The following HMGCLL1 variants were observed in gnomAD, a reference collection of about 807,000 sequenced individuals.
HMGCLL1 encodes 3-hydroxy-3-methylglutaryl-CoA lyase like 1, also known as 3-hydroxymethyl-3-methylglutaryl-CoA lyase, cytoplasmic.
In HMGCLL1, 36 loss-of-function variants were observed where a neutral mutation model predicts 39.1. That is an observed-to-expected ratio of 0.92 (90% CI 0.71 to 1.22). The LOEUF is 1.22. Ranked by LOEUF, HMGCLL1 falls within the 50% of genes most tolerant of loss-of-function variation. The pLI is 0.00. For synonymous variants in HMGCLL1, 149 were observed against 144.0 expected (o/e 1.03, Z -0.25); for missense variants, 451 against 416.5 (o/e 1.08, Z -0.72).
chr6:55,437,878 T>C lies in HMGCLL1; in HGVS notation c.921+1556A>G, dbSNP rs533520523. On this transcript the variant is annotated intron_variant, in intron 8 of 8. Transcript: ENST00000274901. Reference sequence around the variant, plus strand: ...GGTAGTAAGGGAAGGACAACCAAAATATTTTAAAGTCAGATTAGCAGCTCT... The same window carrying C: ...GGTAGTAAGGGAAGGACAACCAAAACATTTTAAAGTCAGATTAGCAGCTCT... Among the ~76,000 whole-genome samples, 37 of 152,104 alleles carry C rather than the reference T, an allele frequency of 2.4e-4. No homozygotes were observed. The East Asian group carries it at 6.6e-3, about 27-fold the overall frequency.
chr6:55,482,551 T>A (rs1024941965), intron 7 of HMGCLL1, among the ~76,000 whole-genome samples: 5 of 152,158 alleles, frequency 3.3e-5, no homozygotes, highest in African/African-American at 1.2e-4. Flanking sequence ...GAAAAATAAA[T>A]AACATTTTCT....
At chr6:55,628,010 CTATATATATAATA>C in the HMGCLL1 span, among the ~76,000 whole-genome samples, 1 of 11,200 alleles carries the variant, frequency 8.9e-5, no homozygotes, top group Non-Finnish European at 1.4e-4. Flanking sequence ...TAGTTATATA[CTATATATATAATA>C]TATATATAGT....
chr6:55,594,034 T>A, the HMGCLL1 span, among the ~76,000 whole-genome samples: 1 of 152,214 alleles, frequency 6.6e-6, no homozygotes, highest in African/African-American at 2.4e-5. Flanking sequence ...TTCATCATTT[T>A]ATTAGATGGA....
chr6:55,591,573 C>CT, the HMGCLL1 span, among the ~76,000 whole-genome samples: 3 of 151,122 alleles, frequency 2.0e-5, no homozygotes, highest in African/African-American at 4.9e-5. Context: ...TTTCCTTTCC[C>CT]TTTTTTTCCC....
chr6:55,609,350 G>A, the HMGCLL1 span, among the ~76,000 whole-genome samples: 11 of 152,236 alleles, frequency 7.2e-5, no homozygotes, highest in African/African-American at 2.2e-4. Context: ...TGCTGGAGCC[G>A]GGGAAACTGG....
chr6:55,547,822 C>T (rs1163219983), intron 1 of HMGCLL1, among the ~76,000 whole-genome samples: 3 of 151,976 alleles, frequency 2.0e-5, no homozygotes, highest in African/African-American at 7.2e-5. Flanking sequence ...CTATTTATTG[C>T]TTTTTAGATA....
chr6:55,619,568 G>A, the HMGCLL1 span, among the ~76,000 whole-genome samples: 4 of 152,120 alleles, frequency 2.6e-5, no homozygotes, highest in Middle Eastern at 6.8e-3. Flanking sequence ...TAATTGTTAT[G>A]GGTATGTGGT....
At chr6:55,523,536 A>AT (rs1179701405) in intron 3 of HMGCLL1, among the ~76,000 whole-genome samples, 3 of 151,872 alleles carry the variant, frequency 2.0e-5, no homozygotes, top group African/African-American at 7.2e-5. Context: ...GCTATATTAT[A>AT]TTTTTTTATG....
chr6:55,633,215 C>G, the HMGCLL1 span, among the ~76,000 whole-genome samples: 3 of 151,878 alleles, frequency 2.0e-5, no homozygotes, highest in Non-Finnish European at 4.4e-5. Flanking sequence ...CTTACATGAA[C>G]TTTTGTGTTC....
chr6:55,614,879 G>T, the HMGCLL1 span, among the ~76,000 whole-genome samples: 1 of 151,984 alleles, frequency 6.6e-6, no homozygotes, highest in African/African-American at 2.4e-5. Flanking sequence ...GTAAGGCTGG[G>T]TGCAGAGCCT....
At chr6:55,512,714 C>A (rs2127435314) in intron 5 of HMGCLL1, 1 of 152,182 alleles carries the variant, frequency 6.6e-6, no homozygotes, top group African/African-American at 2.4e-5. Context: ...TTTTCAGTCA[C>A]AATTGACTCA....
chr6:55,588,427 C>A, the HMGCLL1 span, among the ~76,000 whole-genome samples: 5 of 151,772 alleles, frequency 3.3e-5, no homozygotes, highest in African/African-American at 1.2e-4. Flanking sequence ...AAACTTACAG[C>A]ACTAAATGCC....
chr6:55,637,261 G>A, the HMGCLL1 span, among the ~76,000 whole-genome samples: 31 of 152,236 alleles, frequency 2.0e-4, no homozygotes, highest in African/African-American at 7.5e-4. Context: ...CTCCCTCTGA[G>A]CAATGGTAGA....
rs1030398122 is a variant in HMGCLL1 at position 55,506,401 on chromosome 6, G to A, written c.543-7102C>T. Among the ~76,000 whole-genome samples, 240 of 80,798 alleles carry A rather than the reference G, an allele frequency of 3.0e-3. 3 individuals carry two copies. The highest frequency in any genetic ancestry group is 4.6e-3 in the Admixed American group (37 of 8,076). 53.0% of individuals were successfully genotyped at this position (80,798 alleles called of 152,430 possible). ...AGGCCTCAGCCCCACCCAGAGCCAC[G>A]TGGAAAAAGTGTTAAGAGTCCCATA... On this transcript the variant is annotated intron_variant, in intron 5 of 8. Coordinates refer to ENST00000274901, the MANE Select transcript of HMGCLL1 (RefSeq NM_001042406.2).
the HMGCLL1 span, among the ~76,000 whole-genome samples, chr6:55,586,951 G>T: frequency 6.6e-6 from 1 of 152,064 alleles, no homozygotes; most frequent in African/African-American, 2.4e-5. Flanking sequence ...TCTAGTTCTA[G>T]ATCCCTGAGG....
the HMGCLL1 span, among the ~76,000 whole-genome samples, chr6:55,663,018 G>A: frequency 1.3e-5 from 2 of 151,302 alleles, no homozygotes; most frequent in Non-Finnish European, 3.0e-5. Context: ...TTTCTGTGAA[G>A]GCAGTGGTAA....
chr6:55,486,448 G>A (rs1390314978), intron 7 of HMGCLL1, among the ~76,000 whole-genome samples: 2 of 151,928 alleles, frequency 1.3e-5, no homozygotes, highest in African/African-American at 4.8e-5. Flanking sequence ...GGGCAACTCT[G>A]CAGCATGTTT....
chr6:55,651,066 C>T, the HMGCLL1 span, among the ~76,000 whole-genome samples: 1 of 152,076 alleles, frequency 6.6e-6, no homozygotes, highest in Non-Finnish European at 1.5e-5. Context: ...GGGTGCAAGG[C>T]AAAGTCACCT....
At chr6:55,599,120 C>T in the HMGCLL1 span, among the ~76,000 whole-genome samples, 9 of 151,882 alleles carry the variant, frequency 5.9e-5, no homozygotes, top group African/African-American at 1.7e-4. Flanking sequence ...TCGGGGGTTG[C>T]GGGGCTAGGG....
Sources: allele counts gnomAD v4.1 joint callset (sites outside exome capture counted in the v4.1 genomes callset), GRCh38; gene constraint gnomAD v4.1.1; transcripts MANE v1.5; gene names NCBI Gene and HGNC (gene_info 2026-07-23, HGNC 2026-07-21).